Variants in NAALADL2 observed in about 807,000 individuals in gnomAD.
NAALADL2 encodes N-acetylated alpha-linked acidic dipeptidase like 2.
A neutral mutation model predicts 87.2 loss-of-function variants in NAALADL2; 76 were observed. The observed-to-expected ratio is 0.87, with a 90% confidence interval of 0.72 to 1.05. NAALADL2 has a LOEUF of 1.05. Among genes scored for constraint, NAALADL2 ranks in the 50% least tolerant of loss-of-function variants. The pLI, the probability that NAALADL2 is intolerant of heterozygous loss-of-function variation, is 0.00. For synonymous variants in NAALADL2, 354 were observed against 331.0 expected (o/e 1.07, Z -0.75); for missense variants, 1,089 against 945.8 (o/e 1.15, Z -1.99).
At chr3:175,199,861 T>TAC (rs1739725426) in intron 2 of NAALADL2, among the ~76,000 whole-genome samples, 1 of 25,342 alleles carries the variant, frequency 3.9e-5, no homozygotes, top group African/African-American at 2.5e-4. Flanking sequence ...TATATATATA[T>TAC]ATATTTTTTT....
chr3:174,727,810 A>G (rs184607422), intron 2 of NAALADL2, among the ~76,000 whole-genome samples: 24 of 152,288 alleles, frequency 1.6e-4, no homozygotes, highest in South Asian at 4.1e-4. Context: ...AGTGGCACAT[A>G]TCGACCATTA....
At chr3:175,315,599 T>C (rs2110345558) in intron 4 of NAALADL2, among the ~76,000 whole-genome samples, 1 of 152,322 alleles carries the variant, frequency 6.6e-6, no homozygotes, top group South Asian at 2.1e-4. Context: ...TTTAACCCTG[T>C]ATGATTATGC....
At position 175,024,631 on chromosome 3, in the gene NAALADL2, CAT is replaced by C. The variant is rs1464308288; in HGVS notation, c.44-72157_44-72156del. ...TATTATTGTATGCATTATAGTGAAACATAAATTTTTTAACTAAATCTAAGACA... is the reference window on the plus strand; with the variant it reads ...TATTATTGTATGCATTATAGTGAAACAAATTTTTTAACTAAATCTAAGACA... On this transcript the variant is annotated intron_variant, in intron 1 of 13. Coordinates refer to ENST00000454872, the MANE Select transcript of NAALADL2 (RefSeq NM_207015.3). Among the ~76,000 whole-genome samples, 5 of 152,036 alleles carry C rather than the reference CAT, an allele frequency of 3.3e-5. No homozygotes were observed. In the South Asian group the frequency reaches 1.0e-3, roughly 32 times the overall value.
In NAALADL2 at chr3:174,594,481, A is replaced by G. The variant is rs541964013; in HGVS notation, c.-115+43844A>G. Among the ~76,000 whole-genome samples the G allele has an allele frequency of 2.0e-5, 3 of 152,322 alleles. No homozygotes were observed. In the South Asian group the frequency reaches 6.2e-4, roughly 32 times the overall value. On this transcript the variant is annotated intron_variant, in intron 2 of 3. Transcript: ENST00000434257. Reference sequence around the variant, plus strand: ...GCAATTTCTTTCTGACATTTTTAATAGGCTGTTCTTCTTCCTCATACTTTA... The same window carrying G: ...GCAATTTCTTTCTGACATTTTTAATGGGCTGTTCTTCTTCCTCATACTTTA...
intron 2 of NAALADL2, among the ~76,000 whole-genome samples, chr3:174,665,234 C>A (rs555603035): frequency 6.6e-6 from 1 of 152,134 alleles, no homozygotes; most frequent in African/African-American, 2.4e-5. Flanking sequence ...GGGAAGAAAC[C>A]AAACAGCCCT....
intron 2 of NAALADL2, among the ~76,000 whole-genome samples, chr3:175,226,122 A>C (rs927355074): frequency 1.3e-5 from 2 of 152,098 alleles, no homozygotes; most frequent in Non-Finnish European, 2.9e-5. Flanking sequence ...GCCCATCAGC[A>C]TGCCTTCTAT....
intron 11 of NAALADL2, among the ~76,000 whole-genome samples, chr3:175,650,813 T>A (rs113066106): frequency 0.012 from 1,884 of 152,298 alleles, 35 homozygotes; most frequent in African/African-American, 0.041. Context: ...AGATCATCTG[T>A]CAAATATACT....
intron 4 of NAALADL2, among the ~76,000 whole-genome samples, chr3:175,321,915 A>G (rs1355157007): frequency 6.8e-6 from 1 of 146,818 alleles, no homozygotes; most frequent in African/African-American, 2.5e-5. Flanking sequence ...ATACTGCCCA[A>G]GGTAATTTAC....
chr3:175,757,492 G>A (rs934141610), intron 13 of NAALADL2, among the ~76,000 whole-genome samples: 65 of 152,000 alleles, frequency 4.3e-4, no homozygotes, highest in African/African-American at 1.4e-3. Context: ...CTCCTTTATA[G>A]TAAAATATGT....
intron 2 of NAALADL2, among the ~76,000 whole-genome samples, chr3:174,714,600 T>G (rs1731003235): frequency 6.6e-6 from 1 of 152,192 alleles, no homozygotes; most frequent in Non-Finnish European, 1.5e-5. Flanking sequence ...TGGCTGTTTG[T>G]CTGTTATTAT....
At chr3:174,569,284 TA>T (rs747506962) in intron 2 of NAALADL2, among the ~76,000 whole-genome samples, 13 of 151,966 alleles carry the variant, frequency 8.6e-5, no homozygotes, top group Non-Finnish European at 1.6e-4. Context: ...CCAAGGACAT[TA>T]TTAAATTTAT....
intron 2 of NAALADL2, among the ~76,000 whole-genome samples, chr3:174,616,822 T>C (rs141187416): frequency 3.3e-3 from 495 of 151,992 alleles, no homozygotes; most frequent in African/African-American, 0.011. Flanking sequence ...AATAGAAATA[T>C]ATCTGGTTTC....
chr3:174,750,620 G>T (rs565134660), intron 3 of NAALADL2, among the ~76,000 whole-genome samples: 5 of 152,084 alleles, frequency 3.3e-5, no homozygotes, highest in African/African-American at 1.2e-4. Context: ...TTTTAGTAGA[G>T]ACAGGGTTTC....
intron 11 of NAALADL2, among the ~76,000 whole-genome samples, chr3:175,691,093 T>C (rs1736974584): frequency 6.6e-6 from 1 of 151,666 alleles, no homozygotes; most frequent in African/African-American, 2.4e-5. Flanking sequence ...TGAAAAAATA[T>C]TATAAACAGT....
chr3:175,573,373 A>G (rs953289248), intron 9 of NAALADL2, among the ~76,000 whole-genome samples: 11 of 152,232 alleles, frequency 7.2e-5, no homozygotes, highest in African/African-American at 1.2e-4. Flanking sequence ...TGGAGAAAGT[A>G]AAGACCAGAT....
chr3:175,484,535 A>G (rs1277694047), intron 9 of NAALADL2, among the ~76,000 whole-genome samples: 1 of 152,154 alleles, frequency 6.6e-6, no homozygotes, highest in Non-Finnish European at 1.5e-5. Context: ...TTAATAAAGA[A>G]AATAAATTAT....
At chr3:175,549,248 T>C (rs1582355930) in intron 9 of NAALADL2, among the ~76,000 whole-genome samples, 1 of 151,990 alleles carries the variant, frequency 6.6e-6, no homozygotes, top group Non-Finnish European at 1.5e-5. Context: ...TTGTTTAGAT[T>C]TGGAAAGCCA....
Position 175,471,625 on chromosome 3 carries a change from TTTTG to T in NAALADL2, c.1534-11_1534-8del. ...TTGTCTTACAGATAGATCCTTTTTTTTTTGTTATTTCAGGATTTCAAGAAGGTTC... is the reference window on the plus strand; with the variant it reads ...TTGTCTTACAGATAGATCCTTTTTTTTTATTTCAGGATTTCAAGAAGGTTC... On this transcript the variant is annotated splice_polypyrimidine_tract_variant and intron_variant, in intron 8 of 13. Coordinates refer to ENST00000454872, the MANE Select transcript of NAALADL2 (RefSeq NM_207015.3). 1 of 1,362,196 alleles carries T rather than the reference TTTTG, an allele frequency of 7.3e-7. No individual in the cohort carries two copies. The highest frequency in any genetic ancestry group is 1.0e-6 in the Non-Finnish European group (1 of 966,278). The allele number at this position is 1,362,196 out of a possible 1,614,324, so 84.4% of individuals were successfully genotyped here. A position where few individuals can be genotyped will look rare whatever the true frequency, so the allele number is the denominator to read the frequency against.
intron 1 of NAALADL2, among the ~76,000 whole-genome samples, chr3:174,444,337 T>G (rs1309809860): frequency 6.6e-6 from 1 of 152,198 alleles, no homozygotes; most frequent in East Asian, 1.9e-4. Flanking sequence ...TCTCATTGTT[T>G]ATGAGATCCA....
Sources: gnomAD v4.1 joint callset for allele counts (sites outside exome capture counted in the v4.1 genomes callset) on GRCh38, gnomAD v4.1.1 for gene constraint, MANE v1.5 for transcripts, NCBI Gene and HGNC (gene_info 2026-07-23, HGNC 2026-07-21) for gene names.